The following MYO1E variants were observed in gnomAD, a reference collection of about 807,000 sequenced individuals.
MYO1E encodes the protein myosin IE.
A neutral mutation model predicts 151.1 loss-of-function variants in MYO1E; 68 were observed. The ratio of observed to expected loss-of-function variants is 0.45; its 90% CI spans 0.37 to 0.55. The LOEUF is 0.55. MYO1E is among the 20% of genes least tolerant of loss of function. The probability of loss-of-function intolerance (pLI) is 0.00; values close to 1 mark genes in which losing one functional copy is unlikely to be tolerated. For missense variants in MYO1E, 1,363 were observed against 1,389.3 expected, an observed-to-expected ratio of 0.98 and a Z score of 0.30; for synonymous variants, 601 against 501.7, an observed-to-expected ratio of 1.20 and a Z score of -2.64.
chr15:59,345,242 T>TGA (rs1253739012), intron 1 of MYO1E, among the ~76,000 whole-genome samples: 6 of 144,942 alleles, frequency 4.1e-5, no homozygotes, highest in East Asian at 4.1e-4. Context: ...AGTATTTAAA[T>TGA]GAGAGAGAGA....
At chr15:59,342,988 ATTT>A (rs2080774227) in intron 1 of MYO1E, among the ~76,000 whole-genome samples, 2 of 152,008 alleles carry the variant, frequency 1.3e-5, no homozygotes, top group Non-Finnish European at 1.5e-5. Flanking sequence ...AAAAGTTATT[ATTT>A]TTTATGGGTT....
intron 1 of MYO1E, among the ~76,000 whole-genome samples, chr15:59,277,564 A>AAAAAAAAAACAAAAAAAAAAAC (rs1555416380): frequency 5.0e-5 from 7 of 139,784 alleles, no homozygotes; most frequent in African/African-American, 1.1e-4. Context: ...AAAAAAAAAA[A>AAAAAAAAAACAAAAAAAAAAAC]AAAAAAAAAC....
At chr15:59,209,815 CTTTTTTTTTTTTTTTTTTTTTT>C (rs71119441) in intron 13 of MYO1E, among the ~76,000 whole-genome samples, 1 of 49,838 alleles carries the variant, frequency 2.0e-5, no homozygotes, top group Non-Finnish European at 3.5e-5. Context: ...TTTGAATCAC[CTTTTTTTTTTTTTTTTTTTTTT>C]TTTTTTTTTT....
intron 1 of MYO1E, among the ~76,000 whole-genome samples, chr15:59,321,306 T>G (rs746844188): frequency 5.3e-5 from 8 of 152,230 alleles, no homozygotes; most frequent in Non-Finnish European, 2.9e-5. Context: ...AGAACTATCA[T>G]TCAACTCAGC....
At chr15:59,178,969 A>T (rs1421082184) in intron 18 of MYO1E, among the ~76,000 whole-genome samples, 1 of 152,190 alleles carries the variant, frequency 6.6e-6, no homozygotes, top group Non-Finnish European at 1.5e-5. Context: ...CTATTATGAC[A>T]ACTGTGTATC....
At chr15:59,275,812 T>A (rs932825224) in intron 1 of MYO1E, among the ~76,000 whole-genome samples, 3 of 152,190 alleles carry the variant, frequency 2.0e-5, no homozygotes, top group Non-Finnish European at 2.9e-5. Context: ...AACATGGATG[T>A]GCAGACCCTC....
At chr15:59,327,779 T>C (rs1277677613) in intron 1 of MYO1E, among the ~76,000 whole-genome samples, 1 of 151,982 alleles carries the variant, frequency 6.6e-6, no homozygotes, top group Non-Finnish European at 1.5e-5. Flanking sequence ...AGCTGTCAGA[T>C]TCGATGTATT....
At chr15:59,193,769 G>A (rs146597591) in intron 17 of MYO1E, among the ~76,000 whole-genome samples, 2 of 152,206 alleles carry the variant, frequency 1.3e-5, no homozygotes, top group African/African-American at 4.8e-5. Flanking sequence ...AAGAAGAGCT[G>A]GTCACCTTAG....
At position 59,372,666 on chromosome 15, in the gene MYO1E, TC is replaced by T; in HGVS notation, c.-167del. 1 of 847,410 alleles carries T rather than the reference TC, an allele frequency of 1.2e-6. No homozygotes were observed. Among genetic ancestry groups the T allele is most frequent in the South Asian group, 1.8e-5 (1 of 55,464 alleles). 52.5% of individuals were successfully genotyped at this position (847,410 alleles called of 1,614,324 possible). A position where few individuals can be genotyped will look rare whatever the true frequency, so the allele number is the denominator to read the frequency against. On this transcript the variant is annotated 5_prime_UTR_variant, in exon 1 of 28. Coordinates refer to ENST00000288235, the MANE Select transcript of MYO1E (RefSeq NM_004998.4). ...CAATGGGAACCCAGAGGGGACTCCA[TC>T]CAGGCGGGATTGGCGGTGCTAGGTG...
chr15:59,243,246 G>C (rs527347755), intron 4 of MYO1E, among the ~76,000 whole-genome samples: 18 of 152,132 alleles, frequency 1.2e-4, no homozygotes, highest in African/African-American at 4.3e-4. Context: ...GAACGCAGTT[G>C]TTCATCTATT....
chr15:59,362,597 A>C (rs1258548991), intron 1 of MYO1E, among the ~76,000 whole-genome samples: 2 of 152,260 alleles, frequency 1.3e-5, no homozygotes, highest in African/African-American at 4.8e-5. Flanking sequence ...GCCTTGAAGG[A>C]AGCTATCTTT....
chr15:59,315,588 A>C (rs1408140451), intron 1 of MYO1E, among the ~76,000 whole-genome samples: 1 of 152,126 alleles, frequency 6.6e-6, no homozygotes, highest in Non-Finnish European at 1.5e-5. Context: ...ATCTGCCAAG[A>C]AATAACACTG....
chr15:59,214,508 G>T (rs2079901434), intron 11 of MYO1E, 132 bp downstream of exon 11: 2 of 1,025,770 alleles, frequency 1.9e-6, no homozygotes, highest in Non-Finnish European at 3.1e-6. Flanking sequence ...GCAAAAATGA[G>T]CCTGAGTTGT....
intron 1 of MYO1E, among the ~76,000 whole-genome samples, chr15:59,306,380 T>A (rs1362952090): frequency 6.6e-6 from 1 of 152,222 alleles, no homozygotes; most frequent in Non-Finnish European, 1.5e-5. Flanking sequence ...CTCAATAGCC[T>A]AGGGCACATT....
chr15:59,279,228 G>A (rs1376134772), intron 1 of MYO1E, among the ~76,000 whole-genome samples: 2 of 152,064 alleles, frequency 1.3e-5, no homozygotes, highest in Non-Finnish European at 2.9e-5. Context: ...GTAGACACAG[G>A]CTCCAGGTCT....
chr15:59,204,886 C>G (rs1375279950), intron 15 of MYO1E, among the ~76,000 whole-genome samples: 2 of 152,126 alleles, frequency 1.3e-5, no homozygotes, highest in Admixed American at 6.5e-5. Flanking sequence ...CTTAAATAGT[C>G]AGAAATGGCC....
At chr15:59,237,189 C>T (rs191096625) in intron 4 of MYO1E, among the ~76,000 whole-genome samples, 13 of 152,090 alleles carry the variant, frequency 8.5e-5, no homozygotes, top group Non-Finnish European at 1.5e-4. Context: ...TGTTTTAATT[C>T]ATTAGTTTTC....
chr15:59,361,589 A>C (rs2080885680), intron 1 of MYO1E, among the ~76,000 whole-genome samples: 1 of 152,204 alleles, frequency 6.6e-6, no homozygotes, highest in Non-Finnish European at 1.5e-5. Flanking sequence ...AAGTTAAATG[A>C]AGAATTATAT....
rs563134056 is a variant in MYO1E at position 59,145,815 on chromosome 15, C to T, written c.3081-7448G>A. ...AACTCCGCACTCAGTAGTAGTCACACTGGTAGCTTGAAATTGGCCATGAAG... is the reference window on the plus strand; with the variant it reads ...AACTCCGCACTCAGTAGTAGTCACATTGGTAGCTTGAAATTGGCCATGAAG... On this transcript the variant is annotated intron_variant, in intron 26 of 27. Transcript: ENST00000288235. 2.0e-5 allele frequency among the ~76,000 whole-genome samples: 3 copies of T among 152,306 alleles called. No individual in the cohort carries two copies. In the South Asian group the frequency reaches 6.2e-4, roughly 32 times the overall value.
Sources: allele counts gnomAD v4.1 joint callset (sites outside exome capture counted in the v4.1 genomes callset), GRCh38; gene constraint gnomAD v4.1.1; transcripts MANE v1.5; gene names NCBI Gene and HGNC (gene_info 2026-07-23, HGNC 2026-07-21).